The following BBS4 variants were observed in gnomAD, a reference collection of about 807,000 sequenced individuals.
BBS4 encodes BBSome complex member BBS4.
BBS4 carries 58 observed loss-of-function variants against 71.4 expected under a neutral mutation model. The ratio of observed to expected loss-of-function variants is 0.81; its 90% CI spans 0.66 to 1.01. BBS4 has a LOEUF of 1.01. Ranked by LOEUF, BBS4 falls within the 50% of genes least tolerant of loss-of-function variation. BBS4 has a pLI of 0.00. For missense variants in BBS4, 660 were observed against 607.9 expected (o/e 1.09, Z -0.90); for synonymous variants, 228 against 216.8 (o/e 1.05, Z -0.46).
chr15:72,687,318 G>T (rs979680091), intron 1 of BBS4, among the ~76,000 whole-genome samples: 2 of 151,716 alleles, frequency 1.3e-5, no homozygotes, highest in African/African-American at 2.4e-5. Context: ...ATTTAAAATA[G>T]CTAGGCCGGA....
intron 1 of BBS4, among the ~76,000 whole-genome samples, chr15:72,690,079 G>C (rs1268655282): frequency 6.6e-6 from 1 of 152,006 alleles, no homozygotes; most frequent in Non-Finnish European, 1.5e-5. Flanking sequence ...CAAAGTGCTG[G>C]GATTACAGGC....
chr15:72,692,855 C>A lies in BBS4; in HGVS notation c.25-2322C>A, dbSNP rs189348224. ...TCGTGTGATCCTCCTGCCTCAGCCT[C>A]CCAAAGTGCTGGGATTATAGGTGTG... On this transcript the variant is annotated intron_variant, in intron 1 of 15. Coordinates refer to ENST00000268057, the MANE Select transcript of BBS4 (RefSeq NM_033028.5). Among the ~76,000 whole-genome samples, 225 of 146,544 alleles carry A rather than the reference C, an allele frequency of 1.5e-3. 1 individual carries two copies. Among genetic ancestry groups the A allele is most frequent in the African/African-American group, 5.3e-3 (211 of 39,562 alleles).
chr15:72,717,080 G>A, intron 6 of BBS4: 1 of 539,372 alleles, frequency 1.9e-6, no homozygotes, highest in South Asian at 2.2e-5. Flanking sequence ...TCTCTTACCA[G>A]TCTGATTCTT....
intron 10 of BBS4, among the ~76,000 whole-genome samples, chr15:72,730,791 T>C (rs1393099919): frequency 6.6e-6 from 1 of 152,148 alleles, no homozygotes; most frequent in African/African-American, 2.4e-5. Flanking sequence ...GACTGTCAGC[T>C]CCCACCTTGA....
intron 13 of BBS4, 109 bp downstream of exon 13, chr15:72,735,291 A>G (rs749088457): frequency 3.4e-5 from 28 of 833,896 alleles, no homozygotes; most frequent in East Asian, 7.9e-5. Context: ...CTGTTCCTCT[A>G]TGGCATTAGT....
At chr15:72,736,680 C>A in intron 14 of BBS4, 82 bp from the exon 15 acceptor site, 1 of 1,381,520 alleles carries the variant, frequency 7.2e-7, no homozygotes, top group South Asian at 1.2e-5. Context: ...AGCTAAAACC[C>A]CAGCTCGAAG....
At chr15:72,731,058 A>ATTTTTTTTTTTTTTTT in intron 10 of BBS4, among the ~76,000 whole-genome samples, 1 of 135,240 alleles carries the variant, frequency 7.4e-6, no homozygotes, top group Non-Finnish European at 1.6e-5. Flanking sequence ...AGCAAGTAAC[A>ATTTTTTTTTTTTTTTT]TTTTATCTTT....
At position 72,731,318 on chromosome 15, in the gene BBS4, C is replaced by CA; in HGVS notation, c.726dup (p.Gly243ArgfsTer11). ...CCATGTTTTCAGGCCATCTTGGCAGCAGGCAGCATGATGCAGACCCACGGG... is the reference window on the plus strand; with the variant it reads ...CCATGTTTTCAGGCCATCTTGGCAGCAAGGCAGCATGATGCAGACCCACGGG... On this transcript the variant is annotated frameshift_variant, in exon 11 of 16. Transcript: ENST00000268057. LOFTEE classifies it high-confidence loss of function. 6.2e-7 allele frequency: 1 copy of CA among 1,614,044 alleles called. No individual in the cohort carries two copies. The highest frequency in any genetic ancestry group is 8.5e-7 in the Non-Finnish European group (1 of 1,180,002).
intron 2 of BBS4, chr15:72,697,961 C>G (rs1413980472): frequency 2.2e-6 from 1 of 455,772 alleles, no homozygotes; most frequent in African/African-American, 2.0e-5. Context: ...TACTGAAGTC[C>G]TCTTCCTTTT....
chr15:72,705,755 C>T (rs2065254150), intron 2 of BBS4, among the ~76,000 whole-genome samples: 1 of 151,798 alleles, frequency 6.6e-6, no homozygotes, highest in East Asian at 1.9e-4. Context: ...CCACTCCTGG[C>T]TAATTTTTTT....
At chr15:72,695,576 C>T (rs2065062849) in intron 2 of BBS4, among the ~76,000 whole-genome samples, 1 of 152,166 alleles carries the variant, frequency 6.6e-6, no homozygotes, top group Non-Finnish European at 1.5e-5. Flanking sequence ...CGTGAGCCGC[C>T]ACGCCTGGCC....
chr15:72,686,877 T>G (rs963888343), intron 1 of BBS4: 7 of 314,380 alleles, frequency 2.2e-5, no homozygotes, highest in African/African-American at 1.5e-4. Flanking sequence ...TTACCTTGCT[T>G]TAGTGTTGGG....
chr15:72,699,212 G>A (rs180911492), intron 2 of BBS4, among the ~76,000 whole-genome samples: 12 of 151,236 alleles, frequency 7.9e-5, no homozygotes, highest in East Asian at 7.7e-4. Flanking sequence ...TCAGCTTCCC[G>A]TGTAGCTGGT....
chr15:72,707,023 C>T (rs1050517753), intron 2 of BBS4, among the ~76,000 whole-genome samples: 2 of 151,724 alleles, frequency 1.3e-5, no homozygotes, highest in East Asian at 1.9e-4. Context: ...AACTCTGAGT[C>T]ACAGTAAGCT....
chr15:72,690,075 G>T (rs1466139993), intron 1 of BBS4, among the ~76,000 whole-genome samples: 2 of 152,082 alleles, frequency 1.3e-5, no homozygotes, highest in Admixed American at 1.3e-4. Flanking sequence ...CTCCCAAAGT[G>T]CTGGGATTAC....
At chr15:72,703,058 G>T (rs1386176661) in intron 2 of BBS4, among the ~76,000 whole-genome samples, 2 of 151,502 alleles carry the variant, frequency 1.3e-5, no homozygotes, top group Admixed American at 6.6e-5. Flanking sequence ...TGATCCGCCC[G>T]CCTCGGCCTC....
chr15:72,729,906 G>A (rs1296407378), intron 10 of BBS4, among the ~76,000 whole-genome samples: 1 of 152,168 alleles, frequency 6.6e-6, no homozygotes, highest in African/African-American at 2.4e-5. Context: ...TGTAACCCCT[G>A]CAGAAGGCAG....
intron 5 of BBS4, among the ~76,000 whole-genome samples, chr15:72,716,040 T>C (rs548587329): frequency 4.4e-4 from 67 of 152,192 alleles, no homozygotes; most frequent in African/African-American, 1.6e-3. Flanking sequence ...ACAGAGTAAG[T>C]GTTCTGAGCA....
chr15:72,728,637 T>C (rs922464160), intron 9 of BBS4, among the ~76,000 whole-genome samples: 43 of 152,204 alleles, frequency 2.8e-4, no homozygotes, highest in African/African-American at 1.0e-3. Flanking sequence ...AGCCATTTCT[T>C]TTGATCTTTC....
Sources: allele counts gnomAD v4.1 joint callset (sites outside exome capture counted in the v4.1 genomes callset), GRCh38; gene constraint gnomAD v4.1.1; transcripts MANE v1.5; gene names NCBI Gene and HGNC (gene_info 2026-07-23, HGNC 2026-07-21).